The following L3MBTL4 variants were observed in gnomAD, a reference collection of about 807,000 sequenced individuals.
The protein encoded by L3MBTL4 is L3MBTL histone methyl-lysine binding protein 4.
Under a neutral mutation model 84.5 loss-of-function variants are expected in L3MBTL4, and 70 were observed. The observed-to-expected ratio is 0.83, with a 90% confidence interval of 0.68 to 1.01. L3MBTL4 has a LOEUF of 1.01. Ranked by LOEUF, L3MBTL4 falls within the 50% of genes least tolerant of loss-of-function variation. The pLI, the probability that L3MBTL4 is intolerant of heterozygous loss-of-function variation, is 0.00. For synonymous variants in L3MBTL4, 274 were observed against 259.8 expected, an observed-to-expected ratio of 1.05 and a Z score of -0.52; for missense variants, 715 against 754.8, an observed-to-expected ratio of 0.95 and a Z score of 0.62.
At chr18:6,268,773 CACTT>C (rs1315760476) in intron 4 of L3MBTL4, among the ~76,000 whole-genome samples, 1 of 152,138 alleles carries the variant, frequency 6.6e-6, no homozygotes, top group Non-Finnish European at 1.5e-5. Flanking sequence ...TATTACCTGT[CACTT>C]AATATATACA....
chr18:6,363,335 C>T lies in L3MBTL4; in HGVS notation c.-90-51279G>A, dbSNP rs561654891. 7.2e-5 allele frequency among the ~76,000 whole-genome samples: 11 copies of T among 152,268 alleles called. No homozygotes were observed. In the South Asian group the frequency reaches 8.3e-4, roughly 11 times the overall value. ...ACGCCCACACCCGACTCCCAGGCCCCCCGGGTGCCCTAGTCCCCCTCCAGG... is the reference window on the plus strand; with the variant it reads ...ACGCCCACACCCGACTCCCAGGCCCTCCGGGTGCCCTAGTCCCCCTCCAGG... On this transcript the variant is annotated intron_variant, in intron 1 of 18. Coordinates refer to ENST00000317931, the MANE Select transcript of L3MBTL4 (RefSeq NM_001330559.2).
chr18:6,245,130 A>T (rs1329690084), intron 5 of L3MBTL4, among the ~76,000 whole-genome samples: 1 of 152,022 alleles, frequency 6.6e-6, no homozygotes, highest in African/African-American at 2.4e-5. Flanking sequence ...TGAACTCCTG[A>T]CCTTGTGATC....
chr18:6,010,126 C>T (rs938358344), intron 16 of L3MBTL4, among the ~76,000 whole-genome samples: 1 of 150,950 alleles, frequency 6.6e-6, no homozygotes, highest in African/African-American at 2.4e-5. Context: ...CAACAAGGTG[C>T]GAAGTGTTTT....
chr18:6,295,346 C>CTATATATA (rs71163269), intron 4 of L3MBTL4, among the ~76,000 whole-genome samples: 92 of 81,376 alleles, frequency 1.1e-3, no homozygotes, highest in East Asian at 5.9e-3. Context: ...CTCTCTCTCT[C>CTATATATA]TATATATATA....
intron 14 of L3MBTL4, among the ~76,000 whole-genome samples, chr18:6,117,117 C>A (rs1836190487): frequency 6.6e-6 from 1 of 152,282 alleles, no homozygotes; most frequent in African/African-American, 2.4e-5. Context: ...CATAGTTTTC[C>A]TTTGTACAAA....
At chr18:6,098,744 C>A (rs1363647994) in intron 14 of L3MBTL4, among the ~76,000 whole-genome samples, 3 of 152,136 alleles carry the variant, frequency 2.0e-5, no homozygotes, top group Non-Finnish European at 4.4e-5. Context: ...ATAGTTTAGT[C>A]TCAATTATTT....
intron 1 of L3MBTL4, among the ~76,000 whole-genome samples, chr18:6,316,025 TACGTC>T (rs1411074250): frequency 6.6e-6 from 1 of 151,972 alleles, no homozygotes; most frequent in African/African-American, 2.4e-5. Context: ...TCTAAACAGT[TACGTC>T]ACTCTCACGG....
intron 1 of L3MBTL4, among the ~76,000 whole-genome samples, chr18:6,412,208 G>A: frequency 6.6e-6 from 1 of 151,868 alleles, no homozygotes; most frequent in Admixed American, 6.6e-5. Flanking sequence ...TTATCATTTT[G>A]TTCCCACTTG....
chr18:6,195,408 G>GT (rs1212727291), intron 12 of L3MBTL4, among the ~76,000 whole-genome samples: 2 of 152,326 alleles, frequency 1.3e-5, no homozygotes, highest in East Asian at 3.9e-4. Flanking sequence ...TTACTTGCCT[G>GT]TAACTGCTGA....
At chr18:6,309,109 A>G (rs958598715) in intron 3 of L3MBTL4, among the ~76,000 whole-genome samples, 2 of 152,202 alleles carry the variant, frequency 1.3e-5, no homozygotes, top group South Asian at 2.1e-4. Context: ...TTTCATGTGC[A>G]TGATCTGCCA....
At chr18:6,249,031 C>T (rs989858603) in intron 5 of L3MBTL4, among the ~76,000 whole-genome samples, 7 of 152,132 alleles carry the variant, frequency 4.6e-5, no homozygotes, top group Admixed American at 4.6e-4. Context: ...TATTTTATTT[C>T]TATAAAAATA....
intron 5 of L3MBTL4, among the ~76,000 whole-genome samples, chr18:6,250,145 T>G (rs919377610): frequency 4.6e-5 from 7 of 152,246 alleles, no homozygotes; most frequent in Admixed American, 1.3e-4. Flanking sequence ...AAAATAACAT[T>G]TTCTCATATG....
At chr18:5,963,259 G>T (rs906544489) in intron 17 of L3MBTL4, among the ~76,000 whole-genome samples, 1 of 152,210 alleles carries the variant, frequency 6.6e-6, no homozygotes, top group African/African-American at 2.4e-5. Context: ...AGTGTTGCAA[G>T]TTGCTTTGAT....
chr18:6,129,019 C>G (rs746655184), intron 14 of L3MBTL4, among the ~76,000 whole-genome samples: 1 of 151,998 alleles, frequency 6.6e-6, no homozygotes, highest in Admixed American at 6.6e-5. Context: ...GCCAACCCAA[C>G]AAGCAGGAGG....
rs2060248738 is a variant in L3MBTL4, at chr18:6,143,219, TA to T, written c.1097-4924del. On this transcript the variant is annotated intron_variant, in intron 13 of 18. Coordinates refer to ENST00000317931, the MANE Select transcript of L3MBTL4 (RefSeq NM_001330559.2). The stretch of plus-strand genomic sequence containing the variant: ...AAATTAAGGTTTAAACTGATGTTTT[TA>T]ATATTTATCAATGCATATTTATCTC... 2.0e-5 allele frequency among the ~76,000 whole-genome samples: 3 copies of T among 152,210 alleles called. No individual in the cohort carries two copies. In the South Asian group the frequency reaches 6.2e-4, roughly 31 times the overall value.
intron 13 of L3MBTL4, among the ~76,000 whole-genome samples, chr18:6,144,402 C>T (rs1418891958): frequency 1.3e-5 from 2 of 152,092 alleles, no homozygotes; most frequent in East Asian, 3.9e-4. Context: ...TGCAAGTCTT[C>T]TAAGAAATCT....
intron 18 of L3MBTL4, among the ~76,000 whole-genome samples, chr18:5,958,108 AGAAGAAG>A (rs1424095507): frequency 4.8e-5 from 4 of 82,702 alleles, no homozygotes; most frequent in Non-Finnish European, 8.7e-5. Context: ...AAGAAGAAGA[AGAAGAAG>A]AAGAAGAAGA....
intron 1 of L3MBTL4, among the ~76,000 whole-genome samples, chr18:6,319,971 C>T (rs9966678): frequency 0.016 from 2,447 of 151,866 alleles, 60 homozygotes; most frequent in African/African-American, 0.055. Flanking sequence ...ATTCCAGAGA[C>T]GGAGGGATGA....
chr18:6,130,682 T>C (rs765040333), intron 14 of L3MBTL4, among the ~76,000 whole-genome samples: 1 of 152,186 alleles, frequency 6.6e-6, no homozygotes, highest in African/African-American at 2.4e-5. Flanking sequence ...TGTGTTCTAC[T>C]CATTTGGAAA....
Sources: gnomAD v4.1 joint callset for allele counts (sites outside exome capture counted in the v4.1 genomes callset) on GRCh38, gnomAD v4.1.1 for gene constraint, MANE v1.5 for transcripts, NCBI Gene and HGNC (gene_info 2026-07-23, HGNC 2026-07-21) for gene names.